The following CEP128 variants were observed in gnomAD, a reference collection of about 807,000 sequenced individuals.
CEP128 encodes the protein centrosomal protein 128, also known as centrosomal protein 128kDa.
CEP128 carries 132 observed loss-of-function variants against 156.7 expected under a neutral mutation model. The observed-to-expected ratio is 0.84, with a 90% CI of 0.73 to 0.97. The LOEUF (loss-of-function observed/expected upper bound fraction) is 0.97. Ranked by LOEUF, CEP128 falls within the 50% of genes least tolerant of loss-of-function variation. The pLI is 0.00. For synonymous variants in CEP128, 469 were observed against 448.9 expected, an observed-to-expected ratio of 1.04 and a Z score of -0.57; for missense variants, 1,252 against 1,281.9, an observed-to-expected ratio of 0.98 and a Z score of 0.36.
At chr14:80,655,507 C>T (rs1895092316) in intron 19 of CEP128, among the ~76,000 whole-genome samples, 1 of 152,170 alleles carries the variant, frequency 6.6e-6, no homozygotes, top group South Asian at 2.1e-4. Context: ...TCCTCTCTGT[C>T]CCCTTTCTTT....
chr14:80,485,577 G>A (rs558880542), downstream of CEP128, among the ~76,000 whole-genome samples: 39 of 151,678 alleles, frequency 2.6e-4, 1 homozygote, highest in African/African-American at 8.3e-4. Flanking sequence ...CTTTATCAGC[G>A]TACCAAGTAA....
chr14:80,507,781 G>T (rs968475743), intron 23 of CEP128, among the ~76,000 whole-genome samples: 2 of 151,962 alleles, frequency 1.3e-5, no homozygotes, highest in African/African-American at 4.8e-5. Flanking sequence ...ACCAGAGGAA[G>T]GATGAATTAA....
chr14:80,671,172 A>C (rs1895826062), intron 19 of CEP128, among the ~76,000 whole-genome samples: 1 of 152,178 alleles, frequency 6.6e-6, no homozygotes, highest in African/African-American at 2.4e-5. Flanking sequence ...GACCTTCAGC[A>C]TTTTGTCAGA....
At chr14:80,867,896 T>C (rs887484947) in intron 8 of CEP128, among the ~76,000 whole-genome samples, 15 of 152,022 alleles carry the variant, frequency 9.9e-5, no homozygotes, top group African/African-American at 3.4e-4. Flanking sequence ...AAAGAGATCT[T>C]ACTGAAACGC....
At chr14:80,594,260 G>A (rs966699069) in intron 19 of CEP128, among the ~76,000 whole-genome samples, 3 of 152,130 alleles carry the variant, frequency 2.0e-5, no homozygotes, top group Non-Finnish European at 4.4e-5. Context: ...GGGGTAACTG[G>A]CTAGCCATAT....
At chr14:80,798,406 A>G (rs1489393891) in intron 13 of CEP128, among the ~76,000 whole-genome samples, 1 of 152,236 alleles carries the variant, frequency 6.6e-6, no homozygotes, top group Admixed American at 6.5e-5. Flanking sequence ...GTCCACTTCC[A>G]GTGAAATTAC....
intron 13 of CEP128, among the ~76,000 whole-genome samples, chr14:80,794,162 C>T (rs1901865244): frequency 6.6e-6 from 1 of 152,124 alleles, no homozygotes; most frequent in Non-Finnish European, 1.5e-5. Context: ...TAAATAACAT[C>T]TCCACTGTAC....
At chr14:80,518,093 A>C (rs7159700) in intron 23 of CEP128, among the ~76,000 whole-genome samples, 102,534 of 148,446 alleles carry the variant, frequency 0.69, 40,276 homozygotes, top group East Asian at 0.86. Context: ...CTCCCATATA[A>C]TGGGAGGGGA....
intron 19 of CEP128, among the ~76,000 whole-genome samples, chr14:80,637,690 C>G (rs1005443612): frequency 6.6e-6 from 1 of 152,112 alleles, no homozygotes; most frequent in Non-Finnish European, 1.5e-5. Flanking sequence ...AACCGTGAAA[C>G]CTGTGAATGT....
chr14:80,770,842 G>A (rs1334925604), intron 16 of CEP128, among the ~76,000 whole-genome samples: 1 of 152,150 alleles, frequency 6.6e-6, no homozygotes, highest in Non-Finnish European at 1.5e-5. Context: ...TAAAGTAAAT[G>A]CTAGAAGTCA....
chr14:80,724,920 A>G lies in CEP128; in HGVS notation c.2806+18155T>C, dbSNP rs558589642. On this transcript the variant is annotated intron_variant, in intron 19 of 24. Transcript: ENST00000555265. ...CTCTTACTTAACTAAACAACTATTT[A>G]TTGGGCACCTACTATATATATATAT... Among the ~76,000 whole-genome samples, 6 of 148,298 alleles carry G rather than the reference A, an allele frequency of 4.0e-5. 1 individual carries two copies. The highest frequency in any genetic ancestry group is 1.5e-4 in the African/African-American group (6 of 40,226).
At chr14:80,578,059 C>G (rs1358558742) in intron 20 of CEP128, among the ~76,000 whole-genome samples, 2 of 152,162 alleles carry the variant, frequency 1.3e-5, no homozygotes, top group African/African-American at 4.8e-5. Context: ...GCCAACCTAC[C>G]CTTACCTATG....
At chr14:80,738,726 GTTTATAA>G (rs1898660802) in intron 19 of CEP128, among the ~76,000 whole-genome samples, 1 of 151,854 alleles carries the variant, frequency 6.6e-6, no homozygotes, top group African/African-American at 2.4e-5. Flanking sequence ...ATGTTTTATT[GTTTATAA>G]TTTATAAATT....
At chr14:80,956,087 T>C (rs1886661464) in intron 2 of CEP128, 1 of 610,082 alleles carries the variant, frequency 1.6e-6, no homozygotes, top group African/African-American at 1.8e-5. Flanking sequence ...TTACAAAACT[T>C]TGGTGTACAA....
intron 19 of CEP128, among the ~76,000 whole-genome samples, chr14:80,728,466 G>A (rs75767703): frequency 0.026 from 3,938 of 151,870 alleles, 72 homozygotes; most frequent in Middle Eastern, 0.054. Context: ...CCAGTGGCAC[G>A]CTATTTAGTC....
At chr14:80,563,619 C>T (rs1200429226) in intron 20 of CEP128, among the ~76,000 whole-genome samples, 2 of 148,040 alleles carry the variant, frequency 1.4e-5, no homozygotes, top group Non-Finnish European at 3.0e-5. Flanking sequence ...CTGCAACCTC[C>T]ACCTCTTGGA....
chr14:80,537,845 C>T (rs371758907), intron 21 of CEP128, among the ~76,000 whole-genome samples: 6 of 152,124 alleles, frequency 3.9e-5, no homozygotes, highest in East Asian at 1.9e-4. Flanking sequence ...TGAACAGAGG[C>T]GGAATATATG....
intron 2 of CEP128, among the ~76,000 whole-genome samples, chr14:80,925,643 C>T (rs1257065591): frequency 6.6e-6 from 1 of 151,844 alleles, no homozygotes; most frequent in Non-Finnish European, 1.5e-5. Flanking sequence ...TATTGGCATG[C>T]CTCTCCCACT....
chr14:80,678,048 AAATATATATATATATGT>A (rs1279781411), intron 19 of CEP128, among the ~76,000 whole-genome samples: 8 of 133,972 alleles, frequency 6.0e-5, no homozygotes, highest in East Asian at 5.1e-4. Context: ...TATAAAAAAA[AAATATATATATATATGT>A]ATATATATAT....
Sources: gnomAD v4.1 joint callset for allele counts (sites outside exome capture counted in the v4.1 genomes callset) on GRCh38, gnomAD v4.1.1 for gene constraint, MANE v1.5 for transcripts, NCBI Gene and HGNC (gene_info 2026-07-23, HGNC 2026-07-21) for gene names.